The following NRXN3 variants were observed in gnomAD, a reference collection of about 807,000 sequenced individuals.
The protein encoded by NRXN3 is neurexin III.
Under a neutral mutation model 137.6 loss-of-function variants are expected in NRXN3, and 32 were observed. The observed-to-expected ratio is 0.23, with a 90% CI of 0.18 to 0.31. The LOEUF (loss-of-function observed/expected upper bound fraction) is 0.31, where lower values mean the gene tolerates loss of function less well. Ranked by LOEUF, NRXN3 falls within the 10% of genes least tolerant of loss-of-function variation. NRXN3 has a pLI of 1.00. For synonymous variants in NRXN3, 798 were observed against 784.5 expected, an observed-to-expected ratio of 1.02 and a Z score of -0.29; for missense variants, 1,574 against 2,062.5, an observed-to-expected ratio of 0.76 and a Z score of 4.59.
rs184232927 is a variant in NRXN3 at position 79,696,509 on chromosome 14, A to G, written c.3707-1121A>G. ...AAGCAAAATGAAGTAATCTGGAGAC[A>G]TAACAGTAAAGAAGGCCTTAGCATA... On this transcript the variant is annotated intron_variant, in intron 18 of 20. Transcript: ENST00000335750. Among the ~76,000 whole-genome samples, 75 of 152,074 alleles carry G rather than the reference A, an allele frequency of 4.9e-4. No individual in the cohort carries two copies. In the East Asian group the frequency reaches 0.011, roughly 23 times the overall value.
rs964806809 is a variant in NRXN3 at position 78,737,632 on chromosome 14, G to A, written c.2044+22493G>A. ...GGGAAATGGCAAAAAAGGGGGGGAGGGGTAGAAATGGGAACATTTTCAAAT... is the reference window on the plus strand; with the variant it reads ...GGGAAATGGCAAAAAAGGGGGGGAGAGGTAGAAATGGGAACATTTTCAAAT... On this transcript the variant is annotated intron_variant, in intron 8 of 20. Transcript: ENST00000335750. Among the ~76,000 whole-genome samples, 16 of 152,024 alleles carry A rather than the reference G, an allele frequency of 1.1e-4. 1 individual carries two copies. In the South Asian group the frequency reaches 1.9e-3, roughly 18 times the overall value.
At chr14:79,818,342 C>T (rs1186161799) in intron 20 of NRXN3, among the ~76,000 whole-genome samples, 1 of 152,084 alleles carries the variant, frequency 6.6e-6, no homozygotes, top group Non-Finnish European at 1.5e-5. Context: ...CGTGAGCCAC[C>T]GCGCCCGGCC....
intron 6 of NRXN3, among the ~76,000 whole-genome samples, chr14:78,652,626 A>G (rs761119780): frequency 3.3e-5 from 5 of 152,152 alleles, no homozygotes; most frequent in Non-Finnish European, 7.4e-5. Context: ...TACTATGGTT[A>G]TTTGAAATTT....
At chr14:78,349,677 T>C (rs1379566120) in intron 4 of NRXN3, among the ~76,000 whole-genome samples, 1 of 152,204 alleles carries the variant, frequency 6.6e-6, no homozygotes, top group African/African-American at 2.4e-5. Flanking sequence ...ACAAAAGATA[T>C]GTCCCATCCT....
intron 15 of NRXN3, among the ~76,000 whole-genome samples, chr14:79,424,627 C>T (rs1052604243): frequency 2.0e-5 from 3 of 152,150 alleles, no homozygotes; most frequent in African/African-American, 7.2e-5. Flanking sequence ...ACTCAAGTTT[C>T]TCTAGTTCCT....
chr14:79,641,895 G>A (rs74632496), intron 16 of NRXN3, among the ~76,000 whole-genome samples: 1 of 134,892 alleles, frequency 7.4e-6, no homozygotes, highest in African/African-American at 2.5e-5. Flanking sequence ...CCCTCCTTAT[G>A]CATACTTCCC....
At chr14:78,560,100 G>A (rs754385569) in intron 4 of NRXN3, among the ~76,000 whole-genome samples, 8 of 152,176 alleles carry the variant, frequency 5.3e-5, no homozygotes, top group Non-Finnish European at 1.0e-4. Flanking sequence ...AGGGTGGTAG[G>A]ATCTAGGAGT....
At chr14:78,421,437 A>G (rs1402543707) in intron 4 of NRXN3, among the ~76,000 whole-genome samples, 1 of 152,172 alleles carries the variant, frequency 6.6e-6, no homozygotes, top group African/African-American at 2.4e-5. Context: ...TATAGATATA[A>G]TATTAGGAAT....
intron 15 of NRXN3, among the ~76,000 whole-genome samples, chr14:79,464,192 A>C (rs914931084): frequency 6.6e-6 from 1 of 152,142 alleles, no homozygotes; most frequent in African/African-American, 2.4e-5. Flanking sequence ...TTACCAGCAA[A>C]TACTTTACCA....
chr14:78,322,731 G>T (rs1002533854), intron 4 of NRXN3, among the ~76,000 whole-genome samples: 3 of 151,924 alleles, frequency 2.0e-5, no homozygotes, highest in African/African-American at 7.3e-5. Context: ...AATCCATGAT[G>T]CTTCACTATC....
At position 78,957,466 on chromosome 14, in the gene NRXN3, G is replaced by A. The variant is rs1597880551; in HGVS notation, c.2395+105G>A. ...AAACCTTTTATTTTGCATAGTAGAAGTCACAAATCATGTTTTCTGTTGACA... is the reference window on the plus strand; with the variant it reads ...AAACCTTTTATTTTGCATAGTAGAAATCACAAATCATGTTTTCTGTTGACA... On this transcript the variant is annotated intron_variant, in intron 11 of 20. Coordinates refer to ENST00000335750, the MANE Select transcript of NRXN3 (RefSeq NM_001330195.2). 3.0e-6 allele frequency: 4 copies of A among 1,312,800 alleles called. No homozygotes were observed. In the East Asian group the frequency reaches 9.8e-5, roughly 32 times the overall value. 81.3% of individuals were successfully genotyped at this position (1,312,800 alleles called of 1,614,324 possible).
intron 16 of NRXN3, among the ~76,000 whole-genome samples, chr14:79,630,161 C>T (rs745508930): frequency 2.6e-5 from 4 of 152,122 alleles, no homozygotes; most frequent in Non-Finnish European, 5.9e-5. Flanking sequence ...ATTTAGCTCA[C>T]TGGAATAGCA....
At chr14:78,953,308 C>A (rs566001609) in intron 10 of NRXN3, among the ~76,000 whole-genome samples, 2 of 152,104 alleles carry the variant, frequency 1.3e-5, no homozygotes, top group Non-Finnish European at 2.9e-5. Flanking sequence ...TGTTTGATTT[C>A]ATTATTGGTT....
chr14:79,613,175 G>A (rs2098121775), intron 16 of NRXN3, among the ~76,000 whole-genome samples: 1 of 152,224 alleles, frequency 6.6e-6, no homozygotes, highest in South Asian at 2.1e-4. Context: ...TGGAAGTTAT[G>A]ATTAAGAATG....
intron 15 of NRXN3, among the ~76,000 whole-genome samples, chr14:79,031,392 A>T (rs1031564422): frequency 6.6e-6 from 1 of 152,156 alleles, no homozygotes; most frequent in African/African-American, 2.4e-5. Context: ...TCTCAAAGCT[A>T]TGAGAAATAA....
At chr14:79,087,918 G>A (rs7161610) in intron 15 of NRXN3, among the ~76,000 whole-genome samples, 73,724 of 152,100 alleles carry the variant, frequency 0.48, 21,657 homozygotes, top group East Asian at 0.77. Context: ...AGAATTAATC[G>A]CCTGCTTGTT....
chr14:78,886,156 C>A (rs565149321), intron 10 of NRXN3, among the ~76,000 whole-genome samples: 1 of 152,130 alleles, frequency 6.6e-6, no homozygotes, highest in Non-Finnish European at 1.5e-5. Context: ...TAACTCAGTC[C>A]TGTGGAAAAG....
At chr14:78,249,250 T>C (rs930368714) in intron 2 of NRXN3, among the ~76,000 whole-genome samples, 1 of 152,196 alleles carries the variant, frequency 6.6e-6, no homozygotes, top group Admixed American at 6.5e-5. Flanking sequence ...CAGTGGATAA[T>C]GCTTTGGTCC....
At chr14:79,686,155 A>T (rs1170050151) in intron 17 of NRXN3, among the ~76,000 whole-genome samples, 1 of 152,000 alleles carries the variant, frequency 6.6e-6, no homozygotes, top group African/African-American at 2.4e-5. Context: ...ATGATGGTGC[A>T]TGCCCATAGT....
Sources: allele counts gnomAD v4.1 joint callset (sites outside exome capture counted in the v4.1 genomes callset), GRCh38; gene constraint gnomAD v4.1.1; transcripts MANE v1.5; gene names NCBI Gene and HGNC (gene_info 2026-07-23, HGNC 2026-07-21).